EFL1: variants seen among roughly 807,000 people sequenced by gnomAD.
The protein encoded by EFL1 is elongation factor-like GTPase 1.
Under a neutral mutation model 126.7 loss-of-function variants are expected in EFL1, and 76 were observed. The ratio of observed to expected loss-of-function variants is 0.60; its 90% CI spans 0.50 to 0.73. The LOEUF (loss-of-function observed/expected upper bound fraction) is 0.73, where lower values mean the gene tolerates loss of function less well. Ranked by LOEUF, EFL1 falls within the 30% of genes least tolerant of loss-of-function variation. EFL1 has a pLI of 0.00. For missense variants in EFL1, 1,128 were observed against 1,343.2 expected, an observed-to-expected ratio of 0.84 and a Z score of 2.50; for synonymous variants, 410 against 448.4, an observed-to-expected ratio of 0.91 and a Z score of 1.08.
intron 15 of EFL1, chr15:82,174,339 G>A (rs2074170968): frequency 6.6e-6 from 1 of 151,958 alleles, no homozygotes; most frequent in South Asian, 2.1e-4. Context: ...GCCTCGCCCT[G>A]GGAAACCAAC....
intron 15 of EFL1, among the ~76,000 whole-genome samples, chr15:82,166,501 T>G (rs565160947): frequency 8.5e-5 from 13 of 152,328 alleles, no homozygotes; most frequent in Middle Eastern, 3.4e-3. Flanking sequence ...TAAATATAAT[T>G]TTAAAATCTA....
chr15:82,235,297 T>C (rs1192555430), intron 7 of EFL1, among the ~76,000 whole-genome samples: 1 of 152,212 alleles, frequency 6.6e-6, no homozygotes, highest in Non-Finnish European at 1.5e-5. Flanking sequence ...TTAGCATATG[T>C]ACATCCTCAA....
intron 15 of EFL1, among the ~76,000 whole-genome samples, chr15:82,164,873 G>C (rs1404084830): frequency 1.3e-5 from 2 of 150,376 alleles, no homozygotes; most frequent in Non-Finnish European, 3.0e-5. Context: ...CTCCAGTGTG[G>C]GCGACAGAGC....
intron 15 of EFL1, among the ~76,000 whole-genome samples, chr15:82,198,289 G>A (rs550371996): frequency 2.6e-5 from 4 of 152,146 alleles, no homozygotes; most frequent in South Asian, 2.1e-4. Context: ...AGGGGACTTC[G>A]GCCTGCTCAG....
intron 14 of EFL1, among the ~76,000 whole-genome samples, chr15:82,218,393 T>G (rs2074673514): frequency 6.6e-6 from 1 of 152,150 alleles, no homozygotes; most frequent in Non-Finnish European, 1.5e-5. Flanking sequence ...ATGTATTGTA[T>G]CATTCCTGCT....
At chr15:82,236,518 A>C (rs1342808950) in intron 7 of EFL1, among the ~76,000 whole-genome samples, 2 of 152,226 alleles carry the variant, frequency 1.3e-5, no homozygotes, top group Non-Finnish European at 2.9e-5. Flanking sequence ...GACCCACACA[A>C]GTATGTCCAA....
chr15:82,173,445 A>G (rs1277612198), intron 15 of EFL1, among the ~76,000 whole-genome samples: 1 of 152,210 alleles, frequency 6.6e-6, no homozygotes. Context: ...CACCAGGTAT[A>G]AAGAAAGTTG....
At chr15:82,211,580 ACT>A (rs2074588791) in intron 15 of EFL1, among the ~76,000 whole-genome samples, 1 of 124,378 alleles carries the variant, frequency 8.0e-6, no homozygotes, top group Admixed American at 7.8e-5. Flanking sequence ...ACACACACAC[ACT>A]AGACACATAC....
intron 14 of EFL1, 81 bp downstream of exon 14, chr15:82,219,571 T>A (rs2074686044): frequency 4.2e-6 from 6 of 1,436,274 alleles, no homozygotes; most frequent in Non-Finnish European, 5.6e-6. Flanking sequence ...ACCAACAAGA[T>A]AATCACCAGT....
At chr15:82,241,713 T>C (rs1433483106) in intron 4 of EFL1, among the ~76,000 whole-genome samples, 1 of 152,254 alleles carries the variant, frequency 6.6e-6, no homozygotes, top group Admixed American at 6.5e-5. Flanking sequence ...ATCCTTACAA[T>C]ATCCCTATGA....
intron 18 of EFL1, among the ~76,000 whole-genome samples, chr15:82,140,313 T>G (rs939518834): frequency 6.6e-6 from 1 of 152,328 alleles, no homozygotes; most frequent in South Asian, 2.1e-4. Context: ...ATAATTTTCA[T>G]GTTCCTAACC....
intron 7 of EFL1, among the ~76,000 whole-genome samples, chr15:82,236,045 A>ATTTATAATTTTATAAT (rs1157398013): frequency 2.6e-5 from 4 of 152,210 alleles, no homozygotes; most frequent in Admixed American, 6.5e-5. Context: ...ATGTGCTAAC[A>ATTTATAATTTTATAAT]CCAAAATTAA....
chr15:82,149,452 G>A (rs2073884877), intron 18 of EFL1, among the ~76,000 whole-genome samples: 1 of 152,162 alleles, frequency 6.6e-6, no homozygotes, highest in Non-Finnish European at 1.5e-5. Flanking sequence ...TTAATGAGAA[G>A]ACGTAATTGT....
intron 16 of EFL1, among the ~76,000 whole-genome samples, chr15:82,161,228 A>G (rs1028642085): frequency 1.3e-5 from 2 of 152,230 alleles, no homozygotes; most frequent in African/African-American, 4.8e-5. Context: ...CTATTCAAGA[A>G]AAACAATGAA....
At chr15:82,186,640 G>A (rs1252197368) in intron 15 of EFL1, among the ~76,000 whole-genome samples, 2 of 152,142 alleles carry the variant, frequency 1.3e-5, no homozygotes, top group African/African-American at 2.4e-5. Context: ...TAATGGCCAA[G>A]TTTAACAACT....
chr15:82,204,280 T>C (rs2141285063), intron 15 of EFL1, among the ~76,000 whole-genome samples: 1 of 152,310 alleles, frequency 6.6e-6, no homozygotes, highest in Admixed American at 6.5e-5. Flanking sequence ...CAAGTCTTTA[T>C]AATAACTGCC....
At chr15:82,142,996 A>T (rs543311204) in intron 18 of EFL1, among the ~76,000 whole-genome samples, 1 of 152,182 alleles carries the variant, frequency 6.6e-6, no homozygotes, top group East Asian at 1.9e-4. Flanking sequence ...TCATATATAC[A>T]TTTTCTTCTT....
Position 82,138,640 on chromosome 15 carries a change from G to C in EFL1, c.3174+18C>G. On this transcript the variant is annotated intron_variant, in intron 19 of 19. Coordinates refer to ENST00000268206, the MANE Select transcript of EFL1 (RefSeq NM_024580.6). ...CATAGATGAGAAGGAAGGAATGAATGGGAACTTGGATTTTTACCTCCCAAT... is the reference window on the plus strand; with the variant it reads ...CATAGATGAGAAGGAAGGAATGAATCGGAACTTGGATTTTTACCTCCCAAT... 6.2e-7 allele frequency: 1 copy of C among 1,610,936 alleles called. No individual in the cohort carries two copies. The highest frequency in any genetic ancestry group is 1.1e-5 in the South Asian group (1 of 90,566).
chr15:82,237,581 C>T (rs1204038874), intron 7 of EFL1, among the ~76,000 whole-genome samples: 4 of 152,152 alleles, frequency 2.6e-5, no homozygotes, highest in South Asian at 2.1e-4. Context: ...TGGTACAGTC[C>T]GTCTGGAAAC....
Sources: allele counts gnomAD v4.1 joint callset (sites outside exome capture counted in the v4.1 genomes callset), GRCh38; gene constraint gnomAD v4.1.1; transcripts MANE v1.5; gene names NCBI Gene and HGNC (gene_info 2026-07-23, HGNC 2026-07-21).